The following TASP1 variants were observed in gnomAD, a reference collection of about 807,000 sequenced individuals.
TASP1 encodes threonine aspartase 1.
In TASP1, 16 loss-of-function variants were observed where a neutral mutation model predicts 56.6. That is an observed-to-expected ratio of 0.28 (90% CI 0.19 to 0.43). The LOEUF (loss-of-function observed/expected upper bound fraction) is 0.43, where lower values mean the gene tolerates loss of function less well. Among genes scored for constraint, TASP1 ranks in the 20% least tolerant of loss-of-function variants. TASP1 has a pLI of 1.00. For synonymous variants in TASP1, 179 were observed against 184.2 expected, an observed-to-expected ratio of 0.97 and a Z score of 0.23; for missense variants, 393 against 511.6, an observed-to-expected ratio of 0.77 and a Z score of 2.24.
chr20:13,233,542 C>T, the TASP1 span, among the ~76,000 whole-genome samples: 1 of 150,290 alleles, frequency 6.7e-6, no homozygotes, highest in Non-Finnish European at 1.5e-5. Flanking sequence ...TTGCAATGAG[C>T]CAAGACTGTG....
At chr20:13,468,829 T>C (rs930651511) in intron 11 of TASP1, among the ~76,000 whole-genome samples, 2 of 150,832 alleles carry the variant, frequency 1.3e-5, no homozygotes, top group East Asian at 1.9e-4. Context: ...TTTGCTAATA[T>C]GGAGACAAGA....
chr20:13,359,007 C>T, the TASP1 span, among the ~76,000 whole-genome samples: 6 of 150,598 alleles, frequency 4.0e-5, no homozygotes, highest in Non-Finnish European at 5.9e-5. Flanking sequence ...CCCCTCAACC[C>T]CTTCTCCTTC....
the TASP1 span, among the ~76,000 whole-genome samples, chr20:13,347,668 G>A: frequency 3.3e-5 from 5 of 152,056 alleles, no homozygotes; most frequent in Admixed American, 2.6e-4. Context: ...GTGAAACCCC[G>A]TCTCTACTAA....
At chr20:13,627,319 A>C (rs987738612) in intron 2 of TASP1, among the ~76,000 whole-genome samples, 2 of 152,030 alleles carry the variant, frequency 1.3e-5, no homozygotes, top group South Asian at 4.1e-4. Flanking sequence ...ATAATCAATC[A>C]CTCTTTCTAA....
chr20:13,177,969 C>G, the TASP1 span, among the ~76,000 whole-genome samples: 1 of 152,028 alleles, frequency 6.6e-6, no homozygotes, highest in East Asian at 1.9e-4. Context: ...AGAGGACAAC[C>G]TATAGAATGG....
chr20:13,310,994 G>A, the TASP1 span, among the ~76,000 whole-genome samples: 5 of 152,332 alleles, frequency 3.3e-5, no homozygotes, highest in Non-Finnish European at 7.3e-5. Flanking sequence ...AGGAGTTTGA[G>A]ACCAACCTGG....
At chr20:13,329,536 T>C in the TASP1 span, among the ~76,000 whole-genome samples, 1 of 151,054 alleles carries the variant, frequency 6.6e-6, no homozygotes, top group Non-Finnish European at 1.5e-5. Flanking sequence ...CAAATAAATA[T>C]AGTAATATGC....
chr20:13,517,640 A>G (rs2044590039), intron 10 of TASP1, among the ~76,000 whole-genome samples: 1 of 152,136 alleles, frequency 6.6e-6, no homozygotes. Flanking sequence ...AATCTCTAAG[A>G]TACAAGTAAC....
chr20:13,582,078 A>G (rs923732445), intron 5 of TASP1, among the ~76,000 whole-genome samples: 1 of 151,832 alleles, frequency 6.6e-6, no homozygotes, highest in Admixed American at 6.6e-5. Context: ...CCAATTGTAG[A>G]AATGTAGCTC....
the TASP1 span, among the ~76,000 whole-genome samples, chr20:13,209,891 A>G: frequency 2.0e-5 from 3 of 152,218 alleles, no homozygotes; most frequent in Admixed American, 2.0e-4. Flanking sequence ...TAGAGTGCAC[A>G]AGTCTGAAAT....
intron 4 of TASP1, among the ~76,000 whole-genome samples, chr20:13,618,236 C>A (rs1401960173): frequency 2.0e-5 from 3 of 152,004 alleles, no homozygotes; most frequent in Non-Finnish European, 4.4e-5. Context: ...ATGGCAAAAC[C>A]CCATCTCTAC....
chr20:13,575,219 C>A (rs984152740), intron 6 of TASP1, among the ~76,000 whole-genome samples: 2 of 152,230 alleles, frequency 1.3e-5, no homozygotes, highest in African/African-American at 4.8e-5. Context: ...ATTATAAGAT[C>A]ATCTCAATAG....
At chr20:13,335,896 G>A in the TASP1 span, among the ~76,000 whole-genome samples, 1 of 151,966 alleles carries the variant, frequency 6.6e-6, no homozygotes, top group Non-Finnish European at 1.5e-5. Flanking sequence ...AACAGAGAGA[G>A]GAGAGAAAAT....
chr20:13,571,673 T>C (rs2046718463), intron 6 of TASP1, among the ~76,000 whole-genome samples: 1 of 152,178 alleles, frequency 6.6e-6, no homozygotes, highest in Admixed American at 6.5e-5. Context: ...AAAATACAAG[T>C]CAGGTAATGG....
chr20:13,226,599 G>A, the TASP1 span, among the ~76,000 whole-genome samples: 2 of 152,072 alleles, frequency 1.3e-5, no homozygotes, highest in Non-Finnish European at 2.9e-5. Flanking sequence ...ATGTAGCTGT[G>A]GCCATCTGTT....
At chr20:13,117,692 T>C in the TASP1 span, 1 of 1,613,498 alleles carries the variant, frequency 6.2e-7, no homozygotes, top group East Asian at 2.2e-5. Context: ...CCAAAAGTTT[T>C]GGAGCTTCAG....
chr20:13,596,113 C>G (rs1359890067), intron 4 of TASP1, among the ~76,000 whole-genome samples: 1 of 152,174 alleles, frequency 6.6e-6, no homozygotes, highest in East Asian at 1.9e-4. Flanking sequence ...TCGCTCACGC[C>G]TGTAATCCCA....
chr20:13,434,226 T>C (rs1600780214), intron 12 of TASP1, among the ~76,000 whole-genome samples: 1 of 152,306 alleles, frequency 6.6e-6, no homozygotes. Flanking sequence ...TTATGATTTG[T>C]AGACTTTTCT....
chr20:13,128,138 T>C, the TASP1 span, among the ~76,000 whole-genome samples: 9 of 152,256 alleles, frequency 5.9e-5, no homozygotes, highest in African/African-American at 9.6e-5. Context: ...TTTAACATTG[T>C]GTCTGGAGAC....
Sources: gnomAD v4.1 joint callset for allele counts (sites outside exome capture counted in the v4.1 genomes callset) on GRCh38, gnomAD v4.1.1 for gene constraint, MANE v1.5 for transcripts, NCBI Gene and HGNC (gene_info 2026-07-23, HGNC 2026-07-21) for gene names.